GRID2: variants seen among roughly 807,000 people sequenced by gnomAD.
GRID2 encodes the protein glutamate receptor ionotropic, delta-2.
GRID2 carries 33 observed loss-of-function variants against 114.8 expected under a neutral mutation model. That is an observed-to-expected ratio of 0.29 (90% CI 0.22 to 0.38). The LOEUF (loss-of-function observed/expected upper bound fraction) is 0.38. Among genes scored for constraint, GRID2 ranks in the 10% least tolerant of loss-of-function variants. The probability of loss-of-function intolerance (pLI) is 1.00; values close to 1 mark genes in which losing one functional copy is unlikely to be tolerated. For missense variants in GRID2, 1,184 were observed against 1,257.7 expected, an observed-to-expected ratio of 0.94 and a Z score of 0.89; for synonymous variants, 505 against 449.9, an observed-to-expected ratio of 1.12 and a Z score of -1.55.
In GRID2 at chr4:92,674,625, C is replaced by A. The variant is rs187661888; in HGVS notation, c.244+84339C>A. The stretch of plus-strand genomic sequence containing the variant: ...GCAACCTCCGCCTCCCAGGTTCAAG[C>A]AATTCTCTGCCTCAGCCTCCCAAGT... On this transcript the variant is annotated intron_variant, in intron 2 of 15. Coordinates refer to ENST00000282020, the MANE Select transcript of GRID2 (RefSeq NM_001510.4). 1.8e-4 allele frequency among the ~76,000 whole-genome samples: 27 copies of A among 152,236 alleles called. No individual in the cohort carries two copies. The South Asian group carries it at 3.1e-3, about 18-fold the overall frequency.
chr4:92,429,028 G>A (rs569660138), intron 1 of GRID2, among the ~76,000 whole-genome samples: 3 of 151,726 alleles, frequency 2.0e-5, no homozygotes, highest in South Asian at 2.1e-4. Flanking sequence ...TCCACCCCCC[G>A]ACAGGCCCCA....
chr4:92,982,986 C>G (rs111613380), intron 2 of GRID2, among the ~76,000 whole-genome samples: 4,143 of 151,964 alleles, frequency 0.027, 106 homozygotes, highest in African/African-American at 0.062. Context: ...AAAATAGAAA[C>G]TATGTATCAA....
chr4:93,027,507 C>T (rs977492762), intron 2 of GRID2, among the ~76,000 whole-genome samples: 4 of 151,984 alleles, frequency 2.6e-5, no homozygotes, highest in African/African-American at 9.7e-5. Flanking sequence ...CAGAGTGTAT[C>T]CACAGACAAG....
chr4:92,348,342 A>G (rs571311423), intron 1 of GRID2, among the ~76,000 whole-genome samples: 1 of 152,318 alleles, frequency 6.6e-6, no homozygotes, highest in Admixed American at 6.5e-5. Flanking sequence ...AGCATTTTAC[A>G]TAAACCATTT....
intron 13 of GRID2, among the ~76,000 whole-genome samples, chr4:93,526,559 C>G (rs2149507469): frequency 6.6e-6 from 1 of 152,338 alleles, no homozygotes; most frequent in Non-Finnish European, 1.5e-5. Flanking sequence ...CCTGTAATCC[C>G]AGCACTTTGG....
intron 1 of GRID2, among the ~76,000 whole-genome samples, chr4:92,361,394 A>G (rs1267294924): frequency 6.6e-6 from 1 of 152,066 alleles, no homozygotes; most frequent in African/African-American, 2.4e-5. Context: ...TGTAAATTGT[A>G]TATTAGAAAA....
At chr4:92,988,232 C>T (rs556491671) in intron 2 of GRID2, among the ~76,000 whole-genome samples, 1 of 152,198 alleles carries the variant, frequency 6.6e-6, no homozygotes, top group African/African-American at 2.4e-5. Flanking sequence ...TCAGCCATCT[C>T]AAGGCTCAAC....
chr4:93,636,663 T>C (rs1424853987), intron 14 of GRID2, among the ~76,000 whole-genome samples: 1 of 152,198 alleles, frequency 6.6e-6, no homozygotes, highest in East Asian at 1.9e-4. Flanking sequence ...TACTTTTTCA[T>C]AGGTCCTTAA....
At chr4:92,749,236 T>A (rs938076670) in intron 2 of GRID2, among the ~76,000 whole-genome samples, 1 of 150,992 alleles carries the variant, frequency 6.6e-6, no homozygotes, top group Non-Finnish European at 1.5e-5. Context: ...TCTCTTGACC[T>A]CGTGATCTGC....
At chr4:92,852,461 G>A (rs79008024) in intron 2 of GRID2, among the ~76,000 whole-genome samples, 1,702 of 151,878 alleles carry the variant, frequency 0.011, 19 homozygotes, top group Non-Finnish European at 0.016. Context: ...ACGCTGAAGG[G>A]AAACTCTTTC....
chr4:93,092,886 G>A (rs1730907032), intron 3 of GRID2, among the ~76,000 whole-genome samples: 1 of 151,768 alleles, frequency 6.6e-6, no homozygotes, highest in Admixed American at 6.6e-5. Context: ...GTGTACCATG[G>A]AGGAGAGTAT....
chr4:93,403,246 A>G (rs952131472), intron 9 of GRID2, among the ~76,000 whole-genome samples: 6 of 152,166 alleles, frequency 3.9e-5, no homozygotes, highest in Non-Finnish European at 8.8e-5. Flanking sequence ...TAAAGTCACA[A>G]TAAAATATGA....
At chr4:93,808,055 C>G (rs1735066181) in exon 2 of GRID2, 1 of 152,122 alleles carries the variant, frequency 6.6e-6, no homozygotes, top group Non-Finnish European at 1.5e-5. Context: ...AGCCAACAAG[C>G]AGCAGTCCAG....
intron 1 of GRID2, among the ~76,000 whole-genome samples, chr4:92,475,204 T>G (rs1722245776): frequency 6.6e-6 from 1 of 151,290 alleles, no homozygotes; most frequent in African/African-American, 2.4e-5. Context: ...AAAAAAAAAT[T>G]GTTGCCTGTG....
rs148137503 is a variant in GRID2, at chr4:93,209,490, T to C, written c.789+2033T>C. 4.0e-3 allele frequency among the ~76,000 whole-genome samples: 614 copies of C among 152,274 alleles called. 5 individuals carry two copies. The highest frequency in any genetic ancestry group is 0.013 in the African/African-American group (554 of 41,584). On this transcript the variant is annotated intron_variant, in intron 5 of 15. Transcript: ENST00000282020. ...TATGTGCCACATTTTCTTTATCCAG[T>C]GTACTGTTGGTGGGTATTTATGTTG... is the stretch of plus-strand genomic sequence containing the variant.
At chr4:92,681,806 TA>T (rs1046671737) in intron 2 of GRID2, among the ~76,000 whole-genome samples, 1 of 152,094 alleles carries the variant, frequency 6.6e-6, no homozygotes, top group African/African-American at 2.4e-5. Context: ...TTTGTTGATT[TA>T]AAAATGTATA....
At chr4:93,708,542 G>A (rs1401705833) in intron 14 of GRID2, among the ~76,000 whole-genome samples, 1 of 151,674 alleles carries the variant, frequency 6.6e-6, no homozygotes, top group Non-Finnish European at 1.5e-5. Context: ...CTTTTTATTT[G>A]CAGTCTATGT....
intron 2 of GRID2, among the ~76,000 whole-genome samples, chr4:92,607,492 T>G (rs1053941218): frequency 6.6e-6 from 1 of 151,934 alleles, no homozygotes; most frequent in Admixed American, 6.6e-5. Flanking sequence ...AACCGCAAGT[T>G]ACTGGTGAAC....
intron 4 of GRID2, among the ~76,000 whole-genome samples, chr4:93,145,644 CTTTTTTTTTTTTTT>C (rs10605313): frequency 2.2e-5 from 1 of 45,708 alleles, no homozygotes; most frequent in Non-Finnish European, 3.6e-5. Flanking sequence ...TTCTTTTTTC[CTTTTTTTTTTTTTT>C]TTTTTTTTTT....
Sources: gnomAD v4.1 joint callset for allele counts (sites outside exome capture counted in the v4.1 genomes callset) on GRCh38, gnomAD v4.1.1 for gene constraint, MANE v1.5 for transcripts, NCBI Gene and HGNC (gene_info 2026-07-23, HGNC 2026-07-21) for gene names.